The following SLC1A2 variants were observed in gnomAD, a reference collection of about 807,000 sequenced individuals.
SLC1A2 encodes the protein solute carrier family 1 member 2.
SLC1A2 carries 15 observed loss-of-function variants against 48.8 expected under a neutral mutation model. The observed-to-expected ratio is 0.31, with a 90% CI of 0.21 to 0.47. SLC1A2 has a LOEUF of 0.47. SLC1A2 is among the 20% of genes least tolerant of loss of function. The pLI, the probability that SLC1A2 is intolerant of heterozygous loss-of-function variation, is 0.99. For synonymous variants in SLC1A2, 279 were observed against 272.6 expected, an observed-to-expected ratio of 1.02 and a Z score of -0.23; for missense variants, 502 against 730.5, an observed-to-expected ratio of 0.69 and a Z score of 3.61.
chr11:35,364,440 GT>G (rs1452748424), intron 1 of SLC1A2, among the ~76,000 whole-genome samples: 2 of 152,206 alleles, frequency 1.3e-5, no homozygotes, highest in East Asian at 3.8e-4. Flanking sequence ...AGTAAGAAAA[GT>G]TCATTTACCC....
At chr11:35,271,390 T>G (rs993876925) in intron 9 of SLC1A2, among the ~76,000 whole-genome samples, 1 of 152,042 alleles carries the variant, frequency 6.6e-6, no homozygotes, top group African/African-American at 2.4e-5. Context: ...TTGGAGAGAA[T>G]GCAGAGTGTA....
chr11:35,406,341 A>T (rs534849415), intron 1 of SLC1A2, among the ~76,000 whole-genome samples: 17 of 152,302 alleles, frequency 1.1e-4, no homozygotes, highest in African/African-American at 4.1e-4. Flanking sequence ...ACAGACAGAT[A>T]AATAAAATAT....
At chr11:35,354,454 T>C (rs573218963) in intron 1 of SLC1A2, among the ~76,000 whole-genome samples, 14 of 152,258 alleles carry the variant, frequency 9.2e-5, no homozygotes, top group African/African-American at 3.1e-4. Context: ...CGCAAGACTA[T>C]GTTTCTTAAA....
chr11:35,370,201 C>T (rs1854009177), intron 1 of SLC1A2, among the ~76,000 whole-genome samples: 1 of 152,208 alleles, frequency 6.6e-6, no homozygotes, highest in Admixed American at 6.5e-5. Context: ...TACAGTGTTA[C>T]TTGCCCCATT....
At chr11:35,419,839 C>T (rs1590302356), upstream of SLC1A2, 1 of 391,564 alleles carries the variant, frequency 2.6e-6, no homozygotes, top group East Asian at 8.6e-5. The surrounding 1 kb of genome is among the most constrained non-coding windows in gnomAD (Gnocchi z 5.4). Context: ...CCTCCGTCTC[C>T]GCCTCCCTGG....
intron 1 of SLC1A2, among the ~76,000 whole-genome samples, chr11:35,335,286 T>C (rs1347519338): frequency 6.6e-6 from 1 of 152,126 alleles, no homozygotes; most frequent in Non-Finnish European, 1.5e-5. Context: ...TCTTCACAAA[T>C]ACCCATAAAA....
chr11:35,281,284 C>T (rs1477062090), intron 8 of SLC1A2, among the ~76,000 whole-genome samples: 3 of 152,120 alleles, frequency 2.0e-5, no homozygotes, highest in Admixed American at 2.0e-4. Context: ...TCACAGGGCT[C>T]AAATAAGGCA....
chr11:35,331,060 T>G (rs1284299039), intron 1 of SLC1A2, among the ~76,000 whole-genome samples: 1 of 152,202 alleles, frequency 6.6e-6, no homozygotes, highest in Admixed American at 6.5e-5. Context: ...CATAGAGAGT[T>G]TCCTGTCCAC....
In SLC1A2 at chr11:35,338,636, T is replaced by C. The variant is rs1013234545; in HGVS notation, c.18-21120A>G. Among the ~76,000 whole-genome samples, 19 of 152,182 alleles carry C rather than the reference T, an allele frequency of 1.2e-4. 1 individual carries two copies. On this transcript the variant is annotated intron_variant, in intron 1 of 10. Transcript: ENST00000278379. ...AGCTTATAAGGGAATGACCTGCCTT[T>C]GTTTGAGGACAAGGAGATATGGAAA...
chr11:35,405,121 T>C (rs915856730), intron 1 of SLC1A2, among the ~76,000 whole-genome samples: 1 of 152,182 alleles, frequency 6.6e-6, no homozygotes, highest in African/African-American at 2.4e-5. Flanking sequence ...TTTCTTCTCT[T>C]ATCCCACCAG....
chr11:35,295,897 A>G (rs1292072907), intron 6 of SLC1A2, among the ~76,000 whole-genome samples: 1 of 152,188 alleles, frequency 6.6e-6, no homozygotes, highest in African/African-American at 2.4e-5. Flanking sequence ...CTTCCTGTTA[A>G]CAATTCCCTG....
chr11:35,271,963 G>A (rs1850292368), intron 9 of SLC1A2, among the ~76,000 whole-genome samples: 1 of 152,194 alleles, frequency 6.6e-6, no homozygotes, highest in South Asian at 2.1e-4. Flanking sequence ...GGAAAGTGAA[G>A]TGAAGAAATG....
chr11:35,372,029 T>C (rs1565283867), intron 1 of SLC1A2, among the ~76,000 whole-genome samples: 2 of 152,090 alleles, frequency 1.3e-5, no homozygotes, highest in East Asian at 3.9e-4. Flanking sequence ...AGCAGCTGGC[T>C]CCCCCATCAG....
intron 4 of SLC1A2, among the ~76,000 whole-genome samples, chr11:35,310,388 A>G (rs12276085): frequency 0.098 from 14,951 of 152,238 alleles, 917 homozygotes; most frequent in East Asian, 0.19. Flanking sequence ...CAAACACGCT[A>G]TACAGATGGA....
chr11:35,329,538 G>A (rs904254562), intron 1 of SLC1A2, among the ~76,000 whole-genome samples: 1 of 152,154 alleles, frequency 6.6e-6, no homozygotes, highest in Non-Finnish European at 1.5e-5. Context: ...TTAAAAAACA[G>A]CATATTAAAT....
chr11:35,345,143 T>TTGAAACAGTCCA (rs1379118266), intron 1 of SLC1A2, among the ~76,000 whole-genome samples: 4 of 152,270 alleles, frequency 2.6e-5, no homozygotes, highest in Non-Finnish European at 5.9e-5. Context: ...TCCATGATGC[T>TTGAAACAGTCCA]TGGCCTGTTT....
chr11:35,252,737 G>A lies in SLC1A2; in HGVS notation c.*8157C>T, dbSNP rs1359557284. 2 of 152,592 alleles carry A rather than the reference G, an allele frequency of 1.3e-5. No homozygotes were observed. Among genetic ancestry groups the A allele is most frequent in the Non-Finnish European group, 2.9e-5 (2 of 68,026 alleles). 9.5% of individuals were successfully genotyped at this position (152,592 alleles called of 1,614,324 possible). On this transcript the variant is annotated 3_prime_UTR_variant, in exon 11 of 11. Transcript: ENST00000278379. ...ATCAACATGTCTACTGCATTTAGAT[G>A]AATAGCCAAAAATAACATATACATT...
chr11:35,311,989 A>C (rs1044484147), intron 4 of SLC1A2: 3 of 445,934 alleles, frequency 6.7e-6, no homozygotes, highest in African/African-American at 6.0e-5. Flanking sequence ...GTGAGCTGGA[A>C]AAAAAGGGAT....
chr11:35,312,550 T>C, intron 3 of SLC1A2, 102 bp from the exon 4 acceptor site: 1 of 1,303,646 alleles, frequency 7.7e-7, no homozygotes. Flanking sequence ...TCAAATGTGT[T>C]AATGGTTGAT....
Sources: allele counts gnomAD v4.1 joint callset (sites outside exome capture counted in the v4.1 genomes callset), GRCh38; gene constraint gnomAD v4.1.1; non-coding constraint Gnocchi (gnomAD v3.1); transcripts MANE v1.5; gene names NCBI Gene and HGNC (gene_info 2026-07-23, HGNC 2026-07-21).